The following TRPM3 variants were observed in gnomAD, a reference collection of about 807,000 sequenced individuals.
TRPM3 encodes the protein long transient receptor potential channel 3.
Under a neutral mutation model 181.2 loss-of-function variants are expected in TRPM3, and 77 were observed. The ratio of observed to expected loss-of-function variants is 0.42; its 90% CI spans 0.35 to 0.51. The LOEUF (loss-of-function observed/expected upper bound fraction) is 0.51, where lower values mean the gene tolerates loss of function less well. TRPM3 is among the 20% of genes least tolerant of loss of function. TRPM3 has a pLI of 0.01. For synonymous variants in TRPM3, 745 were observed against 796.4 expected (o/e 0.94, Z 1.09); for missense variants, 1,759 against 2,196.7 (o/e 0.80, Z 3.98).
chr9:71,242,284 G>A (rs1458608023), intron 1 of TRPM3, among the ~76,000 whole-genome samples: 6 of 152,138 alleles, frequency 3.9e-5, no homozygotes, highest in African/African-American at 1.2e-4. Context: ...GGCAGATGAC[G>A]GCATGATCTA....
At chr9:70,738,309 T>C (rs1343007408) in intron 8 of TRPM3, among the ~76,000 whole-genome samples, 4 of 152,070 alleles carry the variant, frequency 2.6e-5, no homozygotes, top group Non-Finnish European at 5.9e-5. Context: ...ACCCACCAAC[T>C]CATGGGTGCA....
intron 21 of TRPM3, among the ~76,000 whole-genome samples, chr9:70,595,315 A>T (rs879902041): frequency 3.3e-5 from 5 of 152,224 alleles, no homozygotes; most frequent in African/African-American, 1.2e-4. Context: ...CAATCTGATT[A>T]TGTAATCACA....
In TRPM3 at chr9:70,535,200, T is replaced by G. The variant is rs369045015; in HGVS notation, c.*753A>C. 1 of 560,978 alleles carries G rather than the reference T, an allele frequency of 1.8e-6. No individual in the cohort carries two copies. The highest frequency in any genetic ancestry group is 2.9e-5 in the East Asian group (1 of 34,662). The allele number at this position is 560,978 out of a possible 1,614,324, so 34.8% of individuals were successfully genotyped here. ...CACTGTATATAATAAATCACTTGAC[T>G]TTTGTTTTTTTAACATCAACTCTTC... On this transcript the variant is annotated 3_prime_UTR_variant, in exon 26 of 26. Transcript: ENST00000677713.
intron 1 of TRPM3, among the ~76,000 whole-genome samples, chr9:71,279,506 C>G (rs1325159151): frequency 1.3e-5 from 2 of 152,054 alleles, no homozygotes; most frequent in African/African-American, 2.4e-5. Flanking sequence ...ATGTTTTTAC[C>G]ATGCACATGT....
intron 1 of TRPM3, among the ~76,000 whole-genome samples, chr9:71,035,531 A>G (rs2058074805): frequency 6.6e-6 from 1 of 152,194 alleles, no homozygotes; most frequent in Non-Finnish European, 1.5e-5. Context: ...TACCTGGCCA[A>G]CATGGCAAAA....
intron 8 of TRPM3, 26 bp from the exon 9 acceptor site, chr9:70,681,604 T>C (rs1340103065): frequency 1.2e-6 from 2 of 1,602,802 alleles, no homozygotes; most frequent in Admixed American, 1.7e-5. Flanking sequence ...AGGTGATCAT[T>C]AGCAAAGCAT....
chr9:70,558,328 C>G (rs1024981477), intron 22 of TRPM3, among the ~76,000 whole-genome samples: 1 of 152,160 alleles, frequency 6.6e-6, no homozygotes, highest in African/African-American at 2.4e-5. Flanking sequence ...TGTAATTAGT[C>G]TTGACTGATA....
chr9:71,381,322 C>A (rs1217349345), intron 1 of TRPM3, among the ~76,000 whole-genome samples: 1 of 152,050 alleles, frequency 6.6e-6, no homozygotes, highest in African/African-American at 2.4e-5. Flanking sequence ...TGAATATAAT[C>A]AAAGTCACAG....
At chr9:70,833,153 C>A (rs1335171078) in intron 5 of TRPM3, among the ~76,000 whole-genome samples, 2 of 152,122 alleles carry the variant, frequency 1.3e-5, no homozygotes, top group African/African-American at 2.4e-5. Context: ...GAATAGTGAC[C>A]TTTAATGTGT....
At chr9:70,844,429 A>AAAAC (rs35792007) in intron 4 of TRPM3, among the ~76,000 whole-genome samples, 6 of 151,180 alleles carry the variant, frequency 4.0e-5, no homozygotes, top group Non-Finnish European at 7.4e-5. Flanking sequence ...GAGAACTGGT[A>AAAAC]AAACAAACAA....
At chr9:70,797,669 A>T (rs1246181989) in intron 6 of TRPM3, among the ~76,000 whole-genome samples, 1 of 152,166 alleles carries the variant, frequency 6.6e-6, no homozygotes, top group African/African-American at 2.4e-5. Flanking sequence ...CAAGAGAAGG[A>T]ATTTTTCCTA....
intron 1 of TRPM3, among the ~76,000 whole-genome samples, chr9:71,339,487 T>A (rs1588566050): frequency 6.8e-6 from 1 of 148,032 alleles, no homozygotes; most frequent in Non-Finnish European, 1.5e-5. Flanking sequence ...GACAAGCCAA[T>A]GGAACAGAGT....
At chr9:70,933,005 G>A (rs2096790480) in intron 1 of TRPM3, among the ~76,000 whole-genome samples, 1 of 152,138 alleles carries the variant, frequency 6.6e-6, no homozygotes, top group Non-Finnish European at 1.5e-5. Flanking sequence ...TTGATGATGT[G>A]TTGATGTATG....
intron 1 of TRPM3, among the ~76,000 whole-genome samples, chr9:70,956,472 G>A (rs184190583): frequency 1.2e-4 from 18 of 152,156 alleles, no homozygotes; most frequent in Non-Finnish European, 2.2e-4. Flanking sequence ...AGGTAAAGAT[G>A]TTGAAAATAT....
intron 1 of TRPM3, among the ~76,000 whole-genome samples, chr9:70,942,265 G>A (rs911301741): frequency 1.3e-5 from 2 of 152,112 alleles, no homozygotes; most frequent in African/African-American, 2.4e-5. Flanking sequence ...AAACAGTTAG[G>A]TATGTACATA....
At chr9:70,818,689 T>C (rs187653397) in intron 6 of TRPM3, among the ~76,000 whole-genome samples, 40 of 152,356 alleles carry the variant, frequency 2.6e-4, no homozygotes, top group African/African-American at 8.9e-4. Flanking sequence ...AGTGTGTCTC[T>C]TCCCATGAAA....
chr9:70,664,405 C>G (rs1458165602), intron 9 of TRPM3, among the ~76,000 whole-genome samples: 1 of 152,148 alleles, frequency 6.6e-6, no homozygotes, highest in South Asian at 2.1e-4. Flanking sequence ...TTTTCAGACA[C>G]TTCCCTAAGT....
intron 11 of TRPM3, among the ~76,000 whole-genome samples, chr9:70,637,387 G>A (rs2057381134): frequency 6.6e-6 from 1 of 151,974 alleles, no homozygotes; most frequent in Admixed American, 6.6e-5. Flanking sequence ...AGTATTCCGG[G>A]AAGCCACCAC....
Position 70,553,324 on chromosome 9 carries a change from C to T in TRPM3, c.3224-14G>A, listed in dbSNP as rs2046882389. 1 of 1,612,636 alleles carries T rather than the reference C, an allele frequency of 6.2e-7. No individual in the cohort carries two copies. Among genetic ancestry groups the T allele is most frequent in the African/African-American group, 1.3e-5 (1 of 74,918 alleles). On this transcript the variant is annotated splice_polypyrimidine_tract_variant and intron_variant, in intron 22 of 25. Coordinates refer to ENST00000677713, the MANE Select transcript of TRPM3 (RefSeq NM_001366145.2). ...GTCCACAGGGAGCTGGAGGGAGCAACACACACAAGAAATGAGAAACTGGCT... is the reference window on the plus strand; with the variant it reads ...GTCCACAGGGAGCTGGAGGGAGCAATACACACAAGAAATGAGAAACTGGCT...
Sources: gnomAD v4.1 joint callset for allele counts (sites outside exome capture counted in the v4.1 genomes callset) on GRCh38, gnomAD v4.1.1 for gene constraint, MANE v1.5 for transcripts, NCBI Gene and HGNC (gene_info 2026-07-23, HGNC 2026-07-21) for gene names.